Variants in FANCL observed in about 807,000 individuals in gnomAD.
FANCL encodes FA complementation group L.
A neutral mutation model predicts 59.4 loss-of-function variants in FANCL; 69 were observed. The observed-to-expected ratio is 1.16, with a 90% CI of 0.96 to 1.42. FANCL has a LOEUF of 1.42. FANCL is among the 40% of genes most tolerant of loss of function. The pLI, the probability that FANCL is intolerant of heterozygous loss-of-function variation, is 0.00. For synonymous variants in FANCL, 180 were observed against 147.1 expected (o/e 1.22, Z -1.62); for missense variants, 519 against 447.2 (o/e 1.16, Z -1.45).
chr2:58,221,666 C>T (rs756622482), intron 5 of FANCL, among the ~76,000 whole-genome samples: 1 of 152,094 alleles, frequency 6.6e-6, no homozygotes, highest in Non-Finnish European at 1.5e-5. Context: ...ATTTAGAATA[C>T]AGTTGTATGT....
intron 7 of FANCL, among the ~76,000 whole-genome samples, chr2:58,172,831 A>G (rs185903627): frequency 2.0e-4 from 30 of 152,322 alleles, no homozygotes; most frequent in African/African-American, 7.0e-4. Context: ...AGACCATCAA[A>G]CTACTATGAG....
intron 7 of FANCL, among the ~76,000 whole-genome samples, chr2:58,169,592 TAAC>T (rs1271449726): frequency 2.6e-5 from 4 of 151,922 alleles, no homozygotes; most frequent in Admixed American, 6.5e-5. Context: ...AAGTGGGTAA[TAAC>T]AAACTCCTCT....
At chr2:58,169,763 G>A (rs1026781106) in intron 7 of FANCL, among the ~76,000 whole-genome samples, 2 of 151,890 alleles carry the variant, frequency 1.3e-5, no homozygotes, top group Admixed American at 6.6e-5. Flanking sequence ...GCATACACAA[G>A]TATCAATTGC....
intron 7 of FANCL, among the ~76,000 whole-genome samples, chr2:58,176,052 C>A (rs1340705295): frequency 1.3e-5 from 2 of 152,098 alleles, no homozygotes; most frequent in African/African-American, 4.8e-5. Flanking sequence ...GAACAAAATA[C>A]CTAGGAATCC....
intron 3 of FANCL, 70 bp from the exon 4 acceptor site, chr2:58,226,854 A>C: frequency 7.7e-7 from 1 of 1,291,030 alleles, no homozygotes; most frequent in Non-Finnish European, 1.1e-6. Flanking sequence ...CTGTAAAAAA[A>C]TGTAGGCCCA....
intron 1 of FANCL, among the ~76,000 whole-genome samples, chr2:58,239,135 C>T (rs1278859149): frequency 2.0e-5 from 3 of 152,116 alleles, no homozygotes; most frequent in African/African-American, 7.2e-5. Flanking sequence ...TAATAGTCGA[C>T]TCAAGCAAAA....
chr2:58,224,376 G>T (rs775260063), intron 4 of FANCL, among the ~76,000 whole-genome samples: 1 of 151,716 alleles, frequency 6.6e-6, no homozygotes, highest in Non-Finnish European at 1.5e-5. Context: ...CCTTTTTAAG[G>T]TTATTACATT....
chr2:58,170,435 C>T (rs1378269893), intron 7 of FANCL, among the ~76,000 whole-genome samples: 3 of 152,018 alleles, frequency 2.0e-5, no homozygotes, highest in East Asian at 1.9e-4. Flanking sequence ...CAAAAACATA[C>T]GAAAATGTAA....
chr2:58,218,163 G>C (rs1003399908), intron 5 of FANCL, among the ~76,000 whole-genome samples: 1 of 151,788 alleles, frequency 6.6e-6, no homozygotes, highest in Non-Finnish European at 1.5e-5. Context: ...ACGGGATCAA[G>C]CTAAAATTGC....
chr2:58,213,313 T>A (rs768480846), intron 5 of FANCL, among the ~76,000 whole-genome samples: 2 of 152,192 alleles, frequency 1.3e-5, no homozygotes, highest in Non-Finnish European at 2.9e-5. Flanking sequence ...GACAGCACAG[T>A]TCAGGTCTCA....
At chr2:58,232,027 C>A (rs1270103012) in intron 2 of FANCL, 27 bp downstream of exon 2, 1 of 1,605,202 alleles carries the variant, frequency 6.2e-7, no homozygotes, top group East Asian at 2.2e-5. Context: ...TGCAAAAATG[C>A]ACGTTTATAA....
intron 7 of FANCL, among the ~76,000 whole-genome samples, chr2:58,173,286 A>C (rs528539809): frequency 6.6e-6 from 1 of 152,344 alleles, no homozygotes; most frequent in Admixed American, 6.5e-5. Context: ...AATACAGAGA[A>C]TGCCACAAAG....
In FANCL at chr2:58,172,884, T is replaced by C. The variant is rs190824662; in HGVS notation, c.541-7010A>G. ...AACCAAAGGCGAAGAAGCTGAAAAC[T>C]TTGAAAAAAATTTAGACGAATGCAT... On this transcript the variant is annotated intron_variant, in intron 7 of 13. Coordinates refer to ENST00000233741, the MANE Select transcript of FANCL (RefSeq NM_018062.4). Among the ~76,000 whole-genome samples the C allele has an allele frequency of 4.0e-5, 6 of 151,696 alleles. No homozygotes were observed. In the East Asian group the frequency reaches 1.2e-3, roughly 29 times the overall value.
At chr2:58,206,813 T>C (rs957055747) in intron 5 of FANCL, among the ~76,000 whole-genome samples, 2 of 152,228 alleles carry the variant, frequency 1.3e-5, no homozygotes. Flanking sequence ...TTCAGATTAA[T>C]ATCAGCATGG....
chr2:58,227,509 C>A (rs1372449501), intron 3 of FANCL, among the ~76,000 whole-genome samples: 2 of 152,194 alleles, frequency 1.3e-5, no homozygotes, highest in Non-Finnish European at 2.9e-5. Flanking sequence ...TCTCCTCCAA[C>A]CACCCTGGTC....
chr2:58,218,131 T>C (rs943021082), intron 5 of FANCL, among the ~76,000 whole-genome samples: 16 of 152,106 alleles, frequency 1.1e-4, no homozygotes, highest in African/African-American at 3.4e-4. Context: ...CTGATAGTAA[T>C]AGAAATATAA....
At chr2:58,159,874 G>A in intron 13 of FANCL, 74 bp from the exon 14 acceptor site, 1 of 1,596,268 alleles carries the variant, frequency 6.3e-7, no homozygotes, top group Non-Finnish European at 8.5e-7. Context: ...ACTAGAAATA[G>A]TGTCATAGAA....
intron 1 of FANCL, 75 bp downstream of exon 1, chr2:58,241,143 G>T: frequency 1.3e-6 from 2 of 1,504,730 alleles, no homozygotes; most frequent in Non-Finnish European, 1.8e-6. Flanking sequence ...TAACCTCCTA[G>T]CCCGTCACAG....
chr2:58,161,682 A>C, intron 11 of FANCL, 44 bp from the exon 12 acceptor site: 6 of 1,286,242 alleles, frequency 4.7e-6, no homozygotes, highest in Non-Finnish European at 6.8e-6. Context: ...TGTCTCACTA[A>C]CTTATTCGTT....
Sources: allele counts gnomAD v4.1 joint callset (sites outside exome capture counted in the v4.1 genomes callset), GRCh38; gene constraint gnomAD v4.1.1; transcripts MANE v1.5; gene names NCBI Gene and HGNC (gene_info 2026-07-23, HGNC 2026-07-21).